The following ITGA3 variants were observed in gnomAD, a reference collection of about 807,000 sequenced individuals.
The protein encoded by ITGA3 is integrin alpha-3.
A neutral mutation model predicts 131.1 loss-of-function variants in ITGA3; 70 were observed. The observed-to-expected ratio is 0.53, with a 90% CI of 0.44 to 0.65. ITGA3 has a LOEUF of 0.65. Among genes scored for constraint, ITGA3 ranks in the 30% least tolerant of loss-of-function variants. The pLI is 0.00. For synonymous variants in ITGA3, 537 were observed against 571.6 expected (o/e 0.94, Z 0.86); for missense variants, 1,098 against 1,388.6 (o/e 0.79, Z 3.33).
At chr17:50,074,710 G>A (rs903953476) in intron 10 of ITGA3, among the ~76,000 whole-genome samples, 176 bp downstream of exon 10, 1 of 152,192 alleles carries the variant, frequency 6.6e-6, no homozygotes, top group South Asian at 2.1e-4. Flanking sequence ...CTTGTAAGAG[G>A]TAATGGATGA....
chr17:50,070,972 G>A, intron 5 of ITGA3, 42 bp downstream of exon 5: 3 of 1,258,664 alleles, frequency 2.4e-6, no homozygotes, highest in Non-Finnish European at 3.5e-6. Flanking sequence ...TAGAGGGGAA[G>A]GGGGCTTAGT....
chr17:50,058,463 A>G (rs150513045), intron 1 of ITGA3, among the ~76,000 whole-genome samples: 2 of 152,336 alleles, frequency 1.3e-5, no homozygotes, highest in African/African-American at 4.8e-5. Context: ...GAGCACCTGA[A>G]GGCTCTTGCG....
chr17:50,060,198 G>A (rs2144255215), intron 1 of ITGA3, among the ~76,000 whole-genome samples: 1 of 152,330 alleles, frequency 6.6e-6, no homozygotes, highest in African/African-American at 2.4e-5. Flanking sequence ...GAACACAGGA[G>A]GCTAGGTACC....
Position 50,079,092 on chromosome 17 carries a change from A to C in ITGA3, c.2417A>C (p.Glu806Ala), listed in dbSNP as rs775002993. ...KYEFQVGPMG[E>A]GLVGLGTLVL... ...TGCCCACAGGTGGGCCCAATGGGGGAGGGGCTGGTGGGCCTGGGGACCCTG... is the reference window on the plus strand; with the variant it reads ...TGCCCACAGGTGGGCCCAATGGGGGCGGGGCTGGTGGGCCTGGGGACCCTG... The change falls in exon 20 of 26, where the codon GAG (glutamate) becomes GCG (alanine). Residue 806 changes from glutamate (E) to alanine (A), a missense_variant. Glu to Ala is a moderately radical substitution (Grantham distance 107). This residue lies in a region of ITGA3 where 699 missense variants were observed against 829.2 expected (regional missense o/e 0.84). Coordinates refer to ENST00000320031, the MANE Select transcript of ITGA3 (RefSeq NM_002204.4). 2 of 1,612,766 alleles carry C rather than the reference A, an allele frequency of 1.2e-6. No individual in the cohort carries two copies. The highest frequency in any genetic ancestry group is 1.7e-6 in the Non-Finnish European group (2 of 1,179,602).
In ITGA3 at chr17:50,079,062, T is replaced by C; in HGVS notation, c.2401-14T>C. ...TCCAGGAGATAATGACTATGACACATCTTGTGCCCACAGGTGGGCCCAATG... is the reference window on the plus strand; with the variant it reads ...TCCAGGAGATAATGACTATGACACACCTTGTGCCCACAGGTGGGCCCAATG... On this transcript the variant is annotated splice_polypyrimidine_tract_variant and intron_variant, in intron 19 of 25. Transcript: ENST00000320031. The C allele has an allele frequency of 6.2e-7, 1 of 1,611,304 alleles. No homozygotes were observed. Among genetic ancestry groups the C allele is most frequent in the Non-Finnish European group, 8.5e-7 (1 of 1,177,742 alleles).
chr17:50,074,264 C>T lies in ITGA3; in HGVS notation c.1366C>T (p.His456Tyr). ...CCTTCTAGTGGGAAGCCTGTCAGAC[C>T]ACATTGTGCTGCTGCGGTGAGCCAG... ...PDLLVGSLSD[H>Y]IVLLRARPVI... Residue 456 changes from histidine to tyrosine, a missense_variant, in exon 9 of 26, where the codon CAC becomes TAC. By Grantham distance (83) the His-to-Tyr change is moderately conservative (BLOSUM62 2). Transcript: ENST00000320031. 1 of 1,614,106 alleles carries T rather than the reference C, an allele frequency of 6.2e-7. No homozygotes were observed. Among genetic ancestry groups the T allele is most frequent in the African/African-American group, 1.3e-5 (1 of 75,052 alleles).
intron 6 of ITGA3, 147 bp from the exon 7 acceptor site, chr17:50,071,839 T>C (rs1908646929): frequency 2.9e-6 from 2 of 695,154 alleles, no homozygotes; most frequent in South Asian, 1.9e-5. Flanking sequence ...GTCCTTCCCA[T>C]GCACATGTCC....
chr17:50,078,639 G>A (rs1176479302), intron 18 of ITGA3, among the ~76,000 whole-genome samples, 185 bp from the exon 19 acceptor site: 2 of 152,160 alleles, frequency 1.3e-5, no homozygotes, highest in Non-Finnish European at 2.9e-5. Context: ...CAGATGAGGA[G>A]ACTGAGGCTC....
rs189511098 is a variant in ITGA3 at position 50,068,349 on chromosome 17, C to A, written c.664+44C>A. Reference sequence around the variant, plus strand: ...TGGGGGAAGAAAGGAAGAGCAGAGACCACCCACCCCTAGTTAGCCACGGGG... The same window carrying A: ...TGGGGGAAGAAAGGAAGAGCAGAGAACACCCACCCCTAGTTAGCCACGGGG... On this transcript the variant is annotated intron_variant, in intron 4 of 25. Transcript: ENST00000320031. 7 of 1,599,892 alleles carry A rather than the reference C, an allele frequency of 4.4e-6. No individual in the cohort carries two copies. The South Asian group carries it at 7.7e-5, about 18-fold the overall frequency.
Position 50,064,646 on chromosome 17 carries a change from C to A in ITGA3, c.414+39C>A. 1 of 1,543,876 alleles carries A rather than the reference C, an allele frequency of 6.5e-7. No homozygotes were observed. Among genetic ancestry groups the A allele is most frequent in the Non-Finnish European group, 8.9e-7 (1 of 1,128,494 alleles). On this transcript the variant is annotated intron_variant, in intron 3 of 25. Coordinates refer to ENST00000320031, the MANE Select transcript of ITGA3 (RefSeq NM_002204.4). This position sits in a 1 kb window ranked among gnomAD's most constrained non-coding sequence, Gnocchi z 4.4. ...CAGTGTTGGCTCCTCCACCTCTACC[C>A]GGCTCTCCCCTCATCTCCAGAGCTG...
chr17:50,088,992 T>G, intron 25 of ITGA3, 118 bp from the exon 26 acceptor site: 1 of 747,740 alleles, frequency 1.3e-6, no homozygotes, highest in East Asian at 2.5e-5. Context: ...GGGATGCGTT[T>G]CGGTCAAGAG....
chr17:50,077,919 C>G, intron 16 of ITGA3, 127 bp from the exon 17 acceptor site: 1 of 731,018 alleles, frequency 1.4e-6, no homozygotes, highest in South Asian at 1.8e-5. Flanking sequence ...AGACCCCTCA[C>G]CCAGAATAGG....
At chr17:50,081,084 C>T (rs769263242) in intron 22 of ITGA3, 6 of 517,278 alleles carry the variant, frequency 1.2e-5, no homozygotes, top group South Asian at 7.1e-5. Context: ...TTCATTGTTT[C>T]GGTTGTCCCC....
At position 50,089,160 on chromosome 17, in the gene ITGA3, C is replaced by T. The variant is rs376978425; in HGVS notation, c.*82C>T. 33 of 1,613,132 alleles carry T rather than the reference C, an allele frequency of 2.0e-5. No homozygotes were observed. In the African/African-American group the frequency reaches 2.4e-4, roughly 12 times the overall value. On this transcript the variant is annotated 3_prime_UTR_variant, in exon 26 of 26. Coordinates refer to ENST00000320031, the MANE Select transcript of ITGA3 (RefSeq NM_002204.4). Reference sequence around the variant, plus strand: ...ATTATCAGATCATGCCCAAGTACCACGCAGTGCGGATCCGGGAGGAGGAGC... The same window carrying T: ...ATTATCAGATCATGCCCAAGTACCATGCAGTGCGGATCCGGGAGGAGGAGC...
chr17:50,078,308 C>G (rs1372988168), intron 18 of ITGA3, 24 bp downstream of exon 18: 2 of 1,594,438 alleles, frequency 1.3e-6, no homozygotes, highest in Non-Finnish European at 1.7e-6. Context: ...TCCACCACCC[C>G]CACCCCAGCC....
Position 50,064,291 on chromosome 17 carries a change from G to A in ITGA3, c.334+87G>A, listed in dbSNP as rs924110909. ...GAGAATGGCCTGGAGGAGATAGAAG[G>A]CTTGTTCACACGGCTTCTAGTCGCT... On this transcript the variant is annotated intron_variant, in intron 2 of 25. Coordinates refer to ENST00000320031, the MANE Select transcript of ITGA3 (RefSeq NM_002204.4). This position sits in a 1 kb window ranked among gnomAD's most constrained non-coding sequence, Gnocchi z 4.4. 6.8e-6 allele frequency: 10 copies of A among 1,475,272 alleles called. No homozygotes were observed. Among genetic ancestry groups the A allele is most frequent in the Admixed American group, 2.0e-5 (1 of 51,042 alleles). The allele number at this position is 1,475,272 out of a possible 1,614,324, so 91.4% of individuals were successfully genotyped here.
chr17:50,079,107 T>C lies in ITGA3; in HGVS notation c.2432T>C (p.Leu811Pro). The C allele has an allele frequency of 6.2e-7, 1 of 1,613,802 alleles. No individual in the cohort carries two copies. The highest frequency in any genetic ancestry group is 8.5e-7 in the Non-Finnish European group (1 of 1,179,934). ...VGPMGEGLVG[L>P]GTLVLGLEWP... ...CCAATGGGGGAGGGGCTGGTGGGCC[T>C]GGGGACCCTGGTCCTAGGTCTGGAG... The change falls in exon 20 of 26, where the codon CTG becomes CCG. Residue 811 changes from leucine (L) to proline (P), a missense_variant. By Grantham distance (98) the Leu-to-Pro change is moderately conservative (BLOSUM62 -3). Coordinates refer to ENST00000320031, the MANE Select transcript of ITGA3 (RefSeq NM_002204.4).
chr17:50,067,787 C>G (rs1908406540), intron 3 of ITGA3, among the ~76,000 whole-genome samples: 1 of 152,222 alleles, frequency 6.6e-6, no homozygotes, highest in South Asian at 2.1e-4. Flanking sequence ...CCCACAGTCT[C>G]TCATCCTTCC....
chr17:50,076,280 G>A, intron 12 of ITGA3, 46 bp from the exon 13 acceptor site: 1 of 1,586,890 alleles, frequency 6.3e-7, no homozygotes. Context: ...TTCAGCTGGG[G>A]CAGGGAGCAG....
Sources: allele counts gnomAD v4.1 joint callset (sites outside exome capture counted in the v4.1 genomes callset), GRCh38; gene constraint gnomAD v4.1.1; regional missense constraint gnomAD v4.1.1; non-coding constraint Gnocchi (gnomAD v3.1); transcripts MANE v1.5; gene names NCBI Gene and HGNC (gene_info 2026-07-23, HGNC 2026-07-21).